Variants in MIPOL1 observed in about 807,000 individuals in gnomAD.
MIPOL1 encodes mirror-image polydactyly 1.
A neutral mutation model predicts 60.9 loss-of-function variants in MIPOL1; 57 were observed. The ratio of observed to expected loss-of-function variants is 0.94; its 90% CI spans 0.76 to 1.17. The LOEUF is 1.17. Ranked by LOEUF, MIPOL1 falls within the 50% of genes most tolerant of loss-of-function variation. The pLI is 0.00. For synonymous variants in MIPOL1, 179 were observed against 168.8 expected (o/e 1.06, Z -0.47); for missense variants, 551 against 511.6 (o/e 1.08, Z -0.74).
chr14:37,509,973 T>C (rs2095313766), intron 12 of MIPOL1, among the ~76,000 whole-genome samples: 1 of 151,762 alleles, frequency 6.6e-6, no homozygotes, highest in Non-Finnish European at 1.5e-5. Flanking sequence ...TATATATATA[T>C]GCATACATAC....
intron 11 of MIPOL1, among the ~76,000 whole-genome samples, chr14:37,440,418 C>G (rs1320042033): frequency 6.6e-6 from 1 of 151,704 alleles, no homozygotes; most frequent in Admixed American, 6.6e-5. Flanking sequence ...CATTATCTAC[C>G]CCCTTTGTAC....
chr14:37,355,247 T>C (rs1483883981), intron 9 of MIPOL1, among the ~76,000 whole-genome samples: 1 of 139,542 alleles, frequency 7.2e-6, no homozygotes, highest in East Asian at 2.3e-4. Flanking sequence ...CACTCTCTTC[T>C]GGCTTGTAGG....
intron 7 of MIPOL1, among the ~76,000 whole-genome samples, chr14:37,295,657 G>T (rs187402424): frequency 1.3e-5 from 2 of 152,128 alleles, no homozygotes; most frequent in African/African-American, 4.8e-5. Flanking sequence ...TGCAATCCTA[G>T]TCTTTGATAA....
At chr14:37,199,313 A>C (rs1422736328) in intron 1 of MIPOL1, among the ~76,000 whole-genome samples, 1 of 152,090 alleles carries the variant, frequency 6.6e-6, no homozygotes, top group Non-Finnish European at 1.5e-5. Flanking sequence ...AATGAATTTC[A>C]CCTATTATTT....
At chr14:37,410,900 TA>T (rs2093670734) in intron 10 of MIPOL1, among the ~76,000 whole-genome samples, 1 of 152,146 alleles carries the variant, frequency 6.6e-6, no homozygotes, top group African/African-American at 2.4e-5. Context: ...CATATTTTTT[TA>T]TTTTAAAAAT....
At chr14:37,330,395 C>T (rs937638958) in intron 9 of MIPOL1, among the ~76,000 whole-genome samples, 2 of 151,984 alleles carry the variant, frequency 1.3e-5, no homozygotes, top group Non-Finnish European at 2.9e-5. Context: ...ATTCTAAACA[C>T]CTGGAAGCTA....
chr14:37,485,222 C>T (rs1006993307), intron 11 of MIPOL1, among the ~76,000 whole-genome samples: 1 of 152,150 alleles, frequency 6.6e-6, no homozygotes, highest in Admixed American at 6.5e-5. Context: ...TTTCTTTATC[C>T]AGTCTATCAC....
chr14:37,356,970 C>T (rs1466951896), intron 9 of MIPOL1, among the ~76,000 whole-genome samples: 1 of 152,164 alleles, frequency 6.6e-6, no homozygotes, highest in Non-Finnish European at 1.5e-5. Flanking sequence ...TAGTACTCCA[C>T]TGTGTATACA....
chr14:37,347,731 A>G (rs1460019600), intron 9 of MIPOL1, among the ~76,000 whole-genome samples: 1 of 152,232 alleles, frequency 6.6e-6, no homozygotes, highest in African/African-American at 2.4e-5. Context: ...TGTGAAACTC[A>G]TAGTGACTTT....
At chr14:37,424,325 G>A (rs1005922485) in intron 11 of MIPOL1, among the ~76,000 whole-genome samples, 1 of 152,132 alleles carries the variant, frequency 6.6e-6, no homozygotes, top group African/African-American at 2.4e-5. Context: ...ACTACTAGTG[G>A]TGTCCCCATA....
intron 11 of MIPOL1, among the ~76,000 whole-genome samples, chr14:37,465,236 A>G (rs1422363304): frequency 6.6e-6 from 1 of 152,180 alleles, no homozygotes; most frequent in Non-Finnish European, 1.5e-5. Context: ...AAGTTGGAAC[A>G]TGGTGGAACA....
intron 9 of MIPOL1, among the ~76,000 whole-genome samples, chr14:37,315,205 A>G (rs2153439997): frequency 6.6e-6 from 1 of 152,324 alleles, no homozygotes; most frequent in East Asian, 1.9e-4. Context: ...GCAGAGAGCT[A>G]TGGAAAGAGC....
At chr14:37,246,777 G>C (rs1973261160) in intron 1 of MIPOL1, among the ~76,000 whole-genome samples, 1 of 152,014 alleles carries the variant, frequency 6.6e-6, no homozygotes, top group Non-Finnish European at 1.5e-5. Context: ...AGTGCTAAAA[G>C]CATTAAAATG....
intron 11 of MIPOL1, among the ~76,000 whole-genome samples, chr14:37,464,684 C>T (rs1201318934): frequency 6.6e-6 from 1 of 152,088 alleles, no homozygotes; most frequent in Non-Finnish European, 1.5e-5. Context: ...GACTTCACCA[C>T]TATGCAATGT....
intron 11 of MIPOL1, among the ~76,000 whole-genome samples, chr14:37,466,588 G>A (rs1160845839): frequency 2.6e-5 from 4 of 152,100 alleles, no homozygotes; most frequent in Admixed American, 1.3e-4. Flanking sequence ...GCTATCAGGA[G>A]GACATAGTTA....
At chr14:37,354,326 A>C (rs201298880) in intron 9 of MIPOL1, among the ~76,000 whole-genome samples, 33,795 of 119,558 alleles carry the variant, frequency 0.28, 5,049 homozygotes, top group East Asian at 0.45. Context: ...TTTACTTCCA[A>C]GTATGCGGTC....
At chr14:37,427,745 T>C (rs1241214932) in intron 11 of MIPOL1, among the ~76,000 whole-genome samples, 1 of 152,176 alleles carries the variant, frequency 6.6e-6, no homozygotes, top group Non-Finnish European at 1.5e-5. Flanking sequence ...CAAAGTCTAC[T>C]TTAATTTGAT....
At chr14:37,296,937 C>A (rs1208724877) in intron 7 of MIPOL1, among the ~76,000 whole-genome samples, 2 of 152,186 alleles carry the variant, frequency 1.3e-5, no homozygotes, top group Non-Finnish European at 2.9e-5. Flanking sequence ...AAGAGGGAAT[C>A]CTCCCTAACT....
chr14:37,420,814 A>G (rs2093859215), intron 10 of MIPOL1, among the ~76,000 whole-genome samples: 1 of 152,146 alleles, frequency 6.6e-6, no homozygotes, highest in Admixed American at 6.6e-5. Context: ...CTTATACCCG[A>G]GGTGATGGGG....
Sources: gnomAD v4.1 joint callset for allele counts (sites outside exome capture counted in the v4.1 genomes callset) on GRCh38, gnomAD v4.1.1 for gene constraint, MANE v1.5 for transcripts, NCBI Gene and HGNC (gene_info 2026-07-23, HGNC 2026-07-21) for gene names.